The following ASTN2 variants were observed in gnomAD, a reference collection of about 807,000 sequenced individuals.
The protein encoded by ASTN2 is astrotactin-2.
In ASTN2, 54 loss-of-function variants were observed where a neutral mutation model predicts 139.8. The observed-to-expected ratio is 0.39, with a 90% confidence interval of 0.31 to 0.48. The LOEUF (loss-of-function observed/expected upper bound fraction) is 0.48. ASTN2 is among the 20% of genes least tolerant of loss of function. The probability of loss-of-function intolerance (pLI) is 0.95; values close to 1 mark genes in which losing one functional copy is unlikely to be tolerated. For missense variants in ASTN2, 1,565 were observed against 1,725.1 expected (o/e 0.91, Z 1.64); for synonymous variants, 756 against 719.5 (o/e 1.05, Z -0.81).
intron 6 of ASTN2, among the ~76,000 whole-genome samples, chr9:117,015,922 C>A (rs972118168): frequency 6.6e-6 from 1 of 152,034 alleles, no homozygotes; most frequent in African/African-American, 2.4e-5. Flanking sequence ...AGTCCAGAAT[C>A]TCTCAACTTT....
At chr9:116,448,620 C>T (rs1419134313) in intron 20 of ASTN2, among the ~76,000 whole-genome samples, 2 of 152,190 alleles carry the variant, frequency 1.3e-5, no homozygotes, top group African/African-American at 4.8e-5. Flanking sequence ...AATCTGGATT[C>T]TACCTGGGCA....
chr9:116,465,295 G>A (rs1848617163), intron 20 of ASTN2, among the ~76,000 whole-genome samples: 2 of 152,120 alleles, frequency 1.3e-5, no homozygotes, highest in Admixed American at 1.3e-4. Context: ...TTTGCCCCAT[G>A]AAGATAAGCC....
rs966540251 is a variant in ASTN2, at chr9:116,425,041, A to G, written c.*810T>C. Among the ~76,000 whole-genome samples, 2 of 152,126 alleles carry G rather than the reference A, an allele frequency of 1.3e-5. No individual in the cohort carries two copies. Among genetic ancestry groups the G allele is most frequent in the African/African-American group, 4.8e-5 (2 of 41,426 alleles). On this transcript the variant is annotated 3_prime_UTR_variant, in exon 23 of 23. Coordinates refer to ENST00000313400, the MANE Select transcript of ASTN2 (RefSeq NM_001365068.1). Reference sequence around the variant, plus strand: ...AAAGAACCTCCATTCTTCCTCTAGCACAGCTTGAAATGACCAGACTCCTTC... The same window carrying G: ...AAAGAACCTCCATTCTTCCTCTAGCGCAGCTTGAAATGACCAGACTCCTTC...
intron 19 of ASTN2, chr9:116,550,922 C>T (rs1852313389): frequency 6.6e-6 from 1 of 152,208 alleles, no homozygotes; most frequent in Non-Finnish European, 1.5e-5. Context: ...ACAATGCAAC[C>T]CAACTGTCAG....
chr9:116,777,703 A>T (rs1170394613), intron 13 of ASTN2, among the ~76,000 whole-genome samples: 2 of 152,192 alleles, frequency 1.3e-5, no homozygotes, highest in Non-Finnish European at 2.9e-5. Flanking sequence ...ATCTAAGACC[A>T]CACCTCCAGA....
At chr9:116,772,732 C>T (rs907444436) in intron 13 of ASTN2, among the ~76,000 whole-genome samples, 3 of 152,326 alleles carry the variant, frequency 2.0e-5, no homozygotes, top group African/African-American at 7.2e-5. Flanking sequence ...ATCTCCCTAG[C>T]TCTCTTCTCC....
chr9:116,686,626 C>A, intron 16 of ASTN2: 1 of 1,445,358 alleles, frequency 6.9e-7, no homozygotes, highest in Admixed American at 2.0e-5. Flanking sequence ...CAGGCCAGAT[C>A]ACCTCCCACC....
intron 16 of ASTN2, among the ~76,000 whole-genome samples, chr9:116,657,369 G>A (rs1282247776): frequency 6.6e-6 from 1 of 152,192 alleles, no homozygotes; most frequent in Non-Finnish European, 1.5e-5. Context: ...TGTTGCTGTA[G>A]TTGTCATAAT....
chr9:116,634,733 G>A (rs1243686792), intron 17 of ASTN2, among the ~76,000 whole-genome samples: 1 of 151,898 alleles, frequency 6.6e-6, no homozygotes, highest in Non-Finnish European at 1.5e-5. Flanking sequence ...TTTCTATTGA[G>A]AAAACAATAT....
At chr9:116,904,466 C>T (rs537436725) in intron 10 of ASTN2, among the ~76,000 whole-genome samples, 2 of 152,290 alleles carry the variant, frequency 1.3e-5, no homozygotes, top group South Asian at 4.1e-4. Context: ...GGGAGCCAGA[C>T]TGCCTGCTCT....
chr9:117,103,197 A>G (rs1160167946), intron 4 of ASTN2, among the ~76,000 whole-genome samples: 1 of 152,194 alleles, frequency 6.6e-6, no homozygotes, highest in African/African-American at 2.4e-5. Flanking sequence ...GGTACTGAAG[A>G]TAAAGCCTCA....
intron 16 of ASTN2, among the ~76,000 whole-genome samples, chr9:116,702,856 C>T (rs1013053149): frequency 3.3e-5 from 5 of 152,122 alleles, no homozygotes; most frequent in Admixed American, 6.5e-5. Context: ...GTGTACACTC[C>T]GGACTTGAGT....
intron 5 of ASTN2, among the ~76,000 whole-genome samples, chr9:117,091,302 A>G (rs1348570429): frequency 1.3e-5 from 2 of 152,222 alleles, no homozygotes; most frequent in Non-Finnish European, 2.9e-5. Context: ...ATATTCACCC[A>G]GTGCCTACTA....
chr9:117,411,530 G>A (rs1483811881), intron 1 of ASTN2, among the ~76,000 whole-genome samples: 1 of 151,804 alleles, frequency 6.6e-6, no homozygotes, highest in Non-Finnish European at 1.5e-5. Context: ...AATGGAGGGA[G>A]CCAGGGTTAA....
At chr9:117,147,869 C>T (rs16934350) in intron 3 of ASTN2, among the ~76,000 whole-genome samples, 2,332 of 152,208 alleles carry the variant, frequency 0.015, 51 homozygotes, top group African/African-American at 0.054. Flanking sequence ...ATAAGTACTC[C>T]CTCTCTGGTT....
At chr9:116,428,572 G>C (rs1847385710) in intron 22 of ASTN2, among the ~76,000 whole-genome samples, 1 of 151,940 alleles carries the variant, frequency 6.6e-6, no homozygotes, top group African/African-American at 2.4e-5. Flanking sequence ...GAGATGCATA[G>C]ATGTTCTGAG....
At chr9:116,935,577 GA>G (rs967147559) in intron 10 of ASTN2, among the ~76,000 whole-genome samples, 8 of 150,806 alleles carry the variant, frequency 5.3e-5, no homozygotes, top group African/African-American at 2.0e-4. Flanking sequence ...GCAAAAAAAA[GA>G]AAAAAAAAGA....
chr9:116,801,732 T>C (rs923699560), intron 13 of ASTN2, among the ~76,000 whole-genome samples: 15 of 151,714 alleles, frequency 9.9e-5, no homozygotes, highest in African/African-American at 3.2e-4. Flanking sequence ...TCCAAGAGGA[T>C]ACATGGTCTG....
intron 10 of ASTN2, among the ~76,000 whole-genome samples, chr9:116,896,452 C>T (rs1232151695): frequency 6.6e-6 from 1 of 152,108 alleles, no homozygotes; most frequent in African/African-American, 2.4e-5. Context: ...GCCTCAGCCT[C>T]CAGAGTAGCT....
Sources: allele counts gnomAD v4.1 joint callset (sites outside exome capture counted in the v4.1 genomes callset), GRCh38; gene constraint gnomAD v4.1.1; transcripts MANE v1.5; gene names NCBI Gene and HGNC (gene_info 2026-07-23, HGNC 2026-07-21).